DOCK10: variants seen among roughly 807,000 people sequenced by gnomAD.
DOCK10 encodes the protein dedicator of cytokinesis protein 10.
DOCK10 carries 145 observed loss-of-function variants against 280.1 expected under a neutral mutation model. The ratio of observed to expected loss-of-function variants is 0.52; its 90% CI spans 0.45 to 0.59. The LOEUF is 0.59. DOCK10 is among the 20% of genes least tolerant of loss of function. The pLI, the probability that DOCK10 is intolerant of heterozygous loss-of-function variation, is 0.00. For synonymous variants in DOCK10, 915 were observed against 942.2 expected, an observed-to-expected ratio of 0.97 and a Z score of 0.53; for missense variants, 2,368 against 2,651.7, an observed-to-expected ratio of 0.89 and a Z score of 2.35.
At chr2:224,940,000 T>G (rs1329876616) in intron 1 of DOCK10, among the ~76,000 whole-genome samples, 1 of 152,202 alleles carries the variant, frequency 6.6e-6, no homozygotes, top group Non-Finnish European at 1.5e-5. Context: ...CTTACTTCTT[T>G]CCACATTCCC....
rs777149879 is a variant in DOCK10, at chr2:224,970,891, T to C, written c.124-39223A>G. On this transcript the variant is annotated intron_variant, in intron 1 of 55. Coordinates refer to ENST00000258390, the MANE Select transcript of DOCK10 (RefSeq NM_014689.3). The surrounding 1 kb of genome is among the most constrained non-coding windows in gnomAD (Gnocchi z 4.6). Reference sequence around the variant, plus strand: ...CTTTGTATTTTGTAGCTAGCATCTATGTAGTTTCACTTAAAATTCTGCACA... The same window carrying C: ...CTTTGTATTTTGTAGCTAGCATCTACGTAGTTTCACTTAAAATTCTGCACA... 3.9e-5 allele frequency among the ~76,000 whole-genome samples: 6 copies of C among 152,236 alleles called. No individual in the cohort carries two copies. The highest frequency in any genetic ancestry group is 7.3e-5 in the Non-Finnish European group (5 of 68,034).
At position 224,909,068 on chromosome 2, in the gene DOCK10, T is replaced by A. The variant is rs868490386; in HGVS notation, c.333+7627A>T. 1.4e-4 allele frequency among the ~76,000 whole-genome samples: 21 copies of A among 152,326 alleles called. 1 individual carries two copies. Among genetic ancestry groups the A allele is most frequent in the Middle Eastern group, 6.8e-3 (2 of 294 alleles). On this transcript the variant is annotated intron_variant, in intron 3 of 55. Transcript: ENST00000258390. ...TTGTTCTCAATTCTTTGCTCCCTCA[T>A]CTCCTTTTGTTAAGAGAGACTGAAC...
chr2:225,016,218 T>C (rs997583465), intron 1 of DOCK10, among the ~76,000 whole-genome samples: 49 of 152,188 alleles, frequency 3.2e-4, no homozygotes, highest in African/African-American at 1.2e-3. Context: ...ATATCACATA[T>C]GTAAAGAGAA....
In DOCK10 at chr2:224,856,732, G is replaced by A. The variant is rs556964182; in HGVS notation, c.1808+128C>T. On this transcript the variant is annotated intron_variant, in intron 15 of 55. Transcript: ENST00000258390. ...GTGGTGCTATTTGGGCATATGTGAA[G>A]TCACCTGAAAAATATCTGCTTTCTG... 6.3e-5 allele frequency: 52 copies of A among 823,880 alleles called. 1 individual carries two copies. In the South Asian group the frequency reaches 9.8e-4, roughly 15 times the overall value. 51.0% of individuals were successfully genotyped at this position (823,880 alleles called of 1,614,324 possible). A position where few individuals can be genotyped will look rare whatever the true frequency, so the allele number is the denominator to read the frequency against.
chr2:224,776,095 C>G (rs1254341828), intron 51 of DOCK10, among the ~76,000 whole-genome samples: 1 of 151,654 alleles, frequency 6.6e-6, no homozygotes, highest in Admixed American at 6.6e-5. Flanking sequence ...CTAAGAAAAT[C>G]CAGGAAATTG....
intron 1 of DOCK10, among the ~76,000 whole-genome samples, chr2:224,991,744 CAG>C (rs1350751850): frequency 6.6e-6 from 1 of 152,126 alleles, no homozygotes; most frequent in Non-Finnish European, 1.5e-5. Context: ...GGACAGATGA[CAG>C]ACAATCTGAG....
chr2:225,033,161 TAAAG>T (rs1690129893), intron 1 of DOCK10, among the ~76,000 whole-genome samples: 1 of 151,014 alleles, frequency 6.6e-6, no homozygotes, highest in Non-Finnish European at 1.5e-5. Context: ...TTGCCCAAAA[TAAAG>T]AAACTTTTAA....
At chr2:224,952,754 G>T (rs544503686) in intron 1 of DOCK10, among the ~76,000 whole-genome samples, 1 of 151,550 alleles carries the variant, frequency 6.6e-6, no homozygotes, top group African/African-American at 2.4e-5. Context: ...CACTACGCCC[G>T]GCTAATTTTT....
chr2:224,806,633 G>A (rs113482008), intron 33 of DOCK10, among the ~76,000 whole-genome samples: 84 of 152,018 alleles, frequency 5.5e-4, no homozygotes, highest in African/African-American at 1.8e-3. Flanking sequence ...AACAGGCAGC[G>A]TCTTACTGTT....
At position 224,882,275 on chromosome 2, in the gene DOCK10, T is replaced by A. The variant is rs187509206; in HGVS notation, c.747+3396A>T. Among the ~76,000 whole-genome samples the A allele has an allele frequency of 1.2e-3, 183 of 152,272 alleles. 1 individual carries two copies. Among genetic ancestry groups the A allele is most frequent in the Admixed American group, 0.011 (172 of 15,290 alleles). On this transcript the variant is annotated intron_variant, in intron 7 of 55. Transcript: ENST00000258390. ...ATAGGATAACACAGGCCTAAATATC[T>A]CTTAGTCCCAGAAGAAAAAACTTGA... is the stretch of plus-strand genomic sequence containing the variant.
At chr2:224,934,927 C>A (rs1054486181) in intron 1 of DOCK10, among the ~76,000 whole-genome samples, 1 of 152,188 alleles carries the variant, frequency 6.6e-6, no homozygotes, top group Non-Finnish European at 1.5e-5. Flanking sequence ...AGGCACCCAC[C>A]AGTACCTGTT....
At chr2:224,801,834 T>C in intron 40 of DOCK10, 82 bp downstream of exon 40, 1 of 1,399,158 alleles carries the variant, frequency 7.1e-7, no homozygotes, top group African/African-American at 1.4e-5. Flanking sequence ...TTAAAAACTG[T>C]GGTTTTAGTG....
At chr2:224,875,278 C>T (rs1698549742) in intron 8 of DOCK10, among the ~76,000 whole-genome samples, 1 of 152,144 alleles carries the variant, frequency 6.6e-6, no homozygotes, top group African/African-American at 2.4e-5. Flanking sequence ...CATATTACTC[C>T]ATGGCTCTTT....
At chr2:224,856,073 G>GT (rs1464774320) in intron 15 of DOCK10, among the ~76,000 whole-genome samples, 2 of 152,140 alleles carry the variant, frequency 1.3e-5, no homozygotes, top group Non-Finnish European at 2.9e-5. Context: ...TGGTAGGAGA[G>GT]TTTACACCAT....
intron 46 of DOCK10, 29 bp from the exon 47 acceptor site, chr2:224,793,101 A>G: frequency 1.4e-6 from 2 of 1,465,356 alleles, no homozygotes; most frequent in Non-Finnish European, 1.9e-6. Context: ...AGGTTAGGAC[A>G]TTGCTACATG....
intron 13 of DOCK10, 65 bp from the exon 14 acceptor site, chr2:224,862,811 A>G (rs1244737187): frequency 1.1e-6 from 1 of 932,572 alleles, no homozygotes; most frequent in Non-Finnish European, 1.6e-6. Context: ...ATATAAAATA[A>G]TACTAAATAC....
chr2:224,821,366 A>G (rs746105415), intron 28 of DOCK10, among the ~76,000 whole-genome samples: 5 of 152,352 alleles, frequency 3.3e-5, no homozygotes, highest in South Asian at 2.1e-4. Flanking sequence ...TGAAGCCCCA[A>G]TTGAGCAAAT....
intron 1 of DOCK10, among the ~76,000 whole-genome samples, chr2:224,988,966 A>G (rs1057117727): frequency 6.6e-6 from 1 of 152,214 alleles, no homozygotes; most frequent in Non-Finnish European, 1.5e-5. Flanking sequence ...GTGAACACCA[A>G]AATGCCCCCA....
rs113684238 is a variant in DOCK10, at chr2:224,921,852, C to T, written c.244-5068G>A. Among the ~76,000 whole-genome samples the T allele has an allele frequency of 8.4e-3, 1,281 of 152,168 alleles. 22 individuals are homozygous for T. The highest frequency in any genetic ancestry group is 0.027 in the African/African-American group (1,111 of 41,508). ...CTGTGGCTCATGCCTATAATCCCAG[C>T]GCTTTGGGAGGCTGAGGCGGGTGGA... is the stretch of plus-strand genomic sequence containing the variant. On this transcript the variant is annotated intron_variant, in intron 2 of 55. Transcript: ENST00000258390.
Sources: gnomAD v4.1 joint callset for allele counts (sites outside exome capture counted in the v4.1 genomes callset) on GRCh38, gnomAD v4.1.1 for gene constraint, Gnocchi (gnomAD v3.1) non-coding constraint, MANE v1.5 for transcripts, NCBI Gene and HGNC (gene_info 2026-07-23, HGNC 2026-07-21) for gene names.